SH3D19: variants seen among roughly 807,000 people sequenced by gnomAD.
SH3D19 encodes the protein SH3 domain-containing protein 19.
Under a neutral mutation model 112.1 loss-of-function variants are expected in SH3D19, and 58 were observed. The ratio of observed to expected loss-of-function variants is 0.52; its 90% CI spans 0.42 to 0.64. The LOEUF (loss-of-function observed/expected upper bound fraction) is 0.64. Among genes scored for constraint, SH3D19 ranks in the 30% least tolerant of loss-of-function variants. SH3D19 has a pLI of 0.00. For missense variants in SH3D19, 1,090 were observed against 1,263.4 expected (o/e 0.86, Z 2.08); for synonymous variants, 391 against 448.5 (o/e 0.87, Z 1.62).
At chr4:151,244,741 A>G (rs901604724) in intron 1 of SH3D19, among the ~76,000 whole-genome samples, 17 of 152,250 alleles carry the variant, frequency 1.1e-4, no homozygotes, top group Non-Finnish European at 2.2e-4. Context: ...CATGTTTCCA[A>G]TATTGAATTG....
intron 4 of SH3D19, among the ~76,000 whole-genome samples, chr4:151,177,943 T>C (rs949852027): frequency 6.6e-6 from 1 of 151,914 alleles, no homozygotes; most frequent in Non-Finnish European, 1.5e-5. Context: ...TAATTGATTT[T>C]GTAGAGACAG....
chr4:151,291,110 T>C (rs202015496), intron 1 of SH3D19: 1 of 1,597,238 alleles, frequency 6.3e-7, no homozygotes, highest in African/African-American at 1.3e-5. Flanking sequence ...CTTTCATTTC[T>C]TCCTTAGGGT....
intron 1 of SH3D19, among the ~76,000 whole-genome samples, chr4:151,257,610 T>C (rs981589740): frequency 6.6e-6 from 1 of 152,142 alleles, no homozygotes; most frequent in African/African-American, 2.4e-5. Flanking sequence ...ATCATCATCA[T>C]CATGCTATTA....
At chr4:151,157,466 G>A (rs1032159829) in intron 9 of SH3D19, among the ~76,000 whole-genome samples, 5 of 150,524 alleles carry the variant, frequency 3.3e-5, no homozygotes, top group African/African-American at 1.2e-4. Flanking sequence ...TGCAGAGAAG[G>A]GTGAACTCTT....
Position 151,204,925 on chromosome 4 carries a change from A to G in SH3D19, c.153-17462T>C, listed in dbSNP as rs548498752. Among the ~76,000 whole-genome samples, 4 of 151,938 alleles carry G rather than the reference A, an allele frequency of 2.6e-5. No individual in the cohort carries two copies. The East Asian group carries it at 7.8e-4, about 29-fold the overall frequency. On this transcript the variant is annotated intron_variant, in intron 2 of 19. Transcript: ENST00000604030. The stretch of plus-strand genomic sequence containing the variant: ...AACCTCTGCCTCCTGGGTTCAAGTG[A>G]TTCTCCTGCCTCAGTCTCTCGAGTA...
chr4:151,169,927 A>G (rs180746687), intron 7 of SH3D19, among the ~76,000 whole-genome samples: 24 of 152,332 alleles, frequency 1.6e-4, no homozygotes, highest in Admixed American at 7.2e-4. Flanking sequence ...ATGTCCATCA[A>G]CAGGGGAAAT....
chr4:151,139,982 A>G, intron 12 of SH3D19, 135 bp from the exon 13 acceptor site: 1 of 634,064 alleles, frequency 1.6e-6, no homozygotes, highest in East Asian at 2.9e-5. Flanking sequence ...GATGCAAACC[A>G]CACAGTTGAG....
chr4:151,178,018 TC>T (rs902908052), intron 4 of SH3D19, among the ~76,000 whole-genome samples: 4 of 152,176 alleles, frequency 2.6e-5, no homozygotes, highest in Admixed American at 6.5e-5. Flanking sequence ...AGCCTCGAGC[TC>T]CCCGCCCCTC....
intron 19 of SH3D19, among the ~76,000 whole-genome samples, chr4:151,126,416 A>G (rs934905925): frequency 3.9e-5 from 6 of 152,106 alleles, no homozygotes; most frequent in Admixed American, 1.3e-4. Context: ...GACTACTAAA[A>G]CCACCCTCCT....
chr4:151,212,936 G>A (rs1045911792), intron 2 of SH3D19, among the ~76,000 whole-genome samples: 4 of 152,224 alleles, frequency 2.6e-5, no homozygotes, highest in Non-Finnish European at 4.4e-5. Context: ...GAGTTTGGAA[G>A]AAGTCGATTC....
At chr4:151,126,506 C>A (rs1243120661) in intron 19 of SH3D19, among the ~76,000 whole-genome samples, 1 of 151,924 alleles carries the variant, frequency 6.6e-6, no homozygotes, top group East Asian at 1.9e-4. Flanking sequence ...ATGAAAATAT[C>A]TACTTTTGGC....
chr4:151,264,504 G>A (rs1772624875), intron 1 of SH3D19, among the ~76,000 whole-genome samples: 1 of 151,024 alleles, frequency 6.6e-6, no homozygotes, highest in South Asian at 2.1e-4. Context: ...TTCTTTAGTA[G>A]TAAGTCAACA....
At chr4:151,321,588 T>C (rs1265772882) in intron 1 of SH3D19, among the ~76,000 whole-genome samples, 3 of 152,164 alleles carry the variant, frequency 2.0e-5, no homozygotes, top group Non-Finnish European at 4.4e-5. Context: ...TCCATGTTTA[T>C]CTCATGGGTT....
intron 2 of SH3D19, among the ~76,000 whole-genome samples, chr4:151,190,686 G>C (rs1469692139): frequency 6.6e-6 from 1 of 152,224 alleles, no homozygotes; most frequent in Non-Finnish European, 1.5e-5. Context: ...CTAGATTTCA[G>C]GGGATTTATG....
intron 1 of SH3D19, among the ~76,000 whole-genome samples, chr4:151,323,706 C>G (rs1222484172): frequency 6.6e-6 from 1 of 152,132 alleles, no homozygotes; most frequent in Non-Finnish European, 1.5e-5. Context: ...CCTAGAAAAG[C>G]CTTTGTCAAC....
chr4:151,146,259 T>A (rs1217540777), intron 11 of SH3D19, among the ~76,000 whole-genome samples: 1 of 152,200 alleles, frequency 6.6e-6, no homozygotes, highest in African/African-American at 2.4e-5. Flanking sequence ...CGTTCAATTG[T>A]TAAAAAGAGT....
At chr4:151,205,596 G>A (rs1268328492) in intron 2 of SH3D19, among the ~76,000 whole-genome samples, 3 of 152,056 alleles carry the variant, frequency 2.0e-5, no homozygotes, top group African/African-American at 7.2e-5. Context: ...TACCCACTAG[G>A]TCTAAAATTT....
chr4:151,209,984 C>T (rs900758350), intron 2 of SH3D19, among the ~76,000 whole-genome samples: 1 of 152,138 alleles, frequency 6.6e-6, no homozygotes, highest in Non-Finnish European at 1.5e-5. Flanking sequence ...CCTTCTAGGA[C>T]AGAGTTCTAT....
At chr4:151,317,874 G>C (rs1580479007) in intron 1 of SH3D19, among the ~76,000 whole-genome samples, 1 of 152,082 alleles carries the variant, frequency 6.6e-6, no homozygotes, top group Non-Finnish European at 1.5e-5. Context: ...TTGGGAGGAT[G>C]AGACTACTTG....
Sources: gnomAD v4.1 joint callset for allele counts (sites outside exome capture counted in the v4.1 genomes callset) on GRCh38, gnomAD v4.1.1 for gene constraint, MANE v1.5 for transcripts, NCBI Gene and HGNC (gene_info 2026-07-23, HGNC 2026-07-21) for gene names.